Variants in MYO1B observed in about 807,000 individuals in gnomAD.
MYO1B encodes unconventional myosin-Ib.
MYO1B carries 72 observed loss-of-function variants against 159.7 expected under a neutral mutation model. That is an observed-to-expected ratio of 0.45 (90% CI 0.37 to 0.55). The LOEUF (loss-of-function observed/expected upper bound fraction) is 0.55, where lower values mean the gene tolerates loss of function less well. MYO1B is among the 20% of genes least tolerant of loss of function. The pLI, the probability that MYO1B is intolerant of heterozygous loss-of-function variation, is 0.00. For synonymous variants in MYO1B, 468 were observed against 473.8 expected, an observed-to-expected ratio of 0.99 and a Z score of 0.16; for missense variants, 1,062 against 1,364.8, an observed-to-expected ratio of 0.78 and a Z score of 3.50.
At chr2:191,336,312 G>T (rs1481901876) in intron 4 of MYO1B, among the ~76,000 whole-genome samples, 1 of 152,138 alleles carries the variant, frequency 6.6e-6, no homozygotes. Flanking sequence ...TCTCCAACTG[G>T]ACAGTGACAG....
At chr2:191,400,222 A>G (rs191544890) in intron 21 of MYO1B, among the ~76,000 whole-genome samples, 160 bp from the exon 22 acceptor site, 170 of 152,164 alleles carry the variant, frequency 1.1e-3, no homozygotes, top group Admixed American at 5.2e-3. Context: ...CCACCTTCTC[A>G]TAGTCAGTTT....
intron 13 of MYO1B, among the ~76,000 whole-genome samples, chr2:191,376,418 A>G (rs1247311663): frequency 6.6e-6 from 1 of 152,242 alleles, no homozygotes; most frequent in East Asian, 1.9e-4. Context: ...CATTATAATC[A>G]GAAGCTGTCA....
At chr2:191,372,857 GA>G (rs1274324758) in intron 13 of MYO1B, among the ~76,000 whole-genome samples, 1 of 138,520 alleles carries the variant, frequency 7.2e-6, no homozygotes, top group Non-Finnish European at 1.5e-5. Flanking sequence ...TTCAGTTTAT[GA>G]AAATGCCTGC....
intron 1 of MYO1B, among the ~76,000 whole-genome samples, chr2:191,249,136 C>A (rs893027172): frequency 6.6e-6 from 1 of 152,164 alleles, no homozygotes; most frequent in Non-Finnish European, 1.5e-5. Context: ...TATTGAAATC[C>A]ATTTTAAGCC....
At chr2:191,318,514 C>T (rs1045237871) in intron 3 of MYO1B, among the ~76,000 whole-genome samples, 4 of 152,068 alleles carry the variant, frequency 2.6e-5, no homozygotes, top group African/African-American at 7.2e-5. Context: ...TCCAGATTAC[C>T]CTGAAGCAGT....
At chr2:191,306,313 G>C (rs1255331450) in intron 3 of MYO1B, among the ~76,000 whole-genome samples, 1 of 152,164 alleles carries the variant, frequency 6.6e-6, no homozygotes, top group Non-Finnish European at 1.5e-5. Flanking sequence ...AAGGTCTGAA[G>C]GGGAGACAGA....
intron 13 of MYO1B, among the ~76,000 whole-genome samples, chr2:191,376,489 T>C (rs1694720118): frequency 6.6e-6 from 1 of 152,202 alleles, no homozygotes; most frequent in South Asian, 2.1e-4. Context: ...AGCAATAATA[T>C]AGCCCAACTT....
intron 1 of MYO1B, among the ~76,000 whole-genome samples, chr2:191,275,677 G>A (rs977707672): frequency 2.0e-5 from 3 of 152,140 alleles, no homozygotes; most frequent in South Asian, 4.1e-4. Context: ...ATTATCAGTG[G>A]CAGGTATATA....
intron 1 of MYO1B, among the ~76,000 whole-genome samples, chr2:191,266,970 T>A (rs4853569): frequency 0.53 from 80,485 of 152,008 alleles, 22,050 homozygotes; most frequent in East Asian, 0.66. Flanking sequence ...ATCACTGGCC[T>A]GTGCCTGGGA....
chr2:191,367,022 C>G (rs1320283290), intron 11 of MYO1B, among the ~76,000 whole-genome samples: 2 of 152,060 alleles, frequency 1.3e-5, no homozygotes, highest in African/African-American at 4.8e-5. Context: ...TAGACCATGC[C>G]TGTTACTGGC....
intron 14 of MYO1B, 79 bp from the exon 15 acceptor site, chr2:191,383,201 T>C (rs570297108): frequency 1.2e-6 from 1 of 800,566 alleles, no homozygotes. Context: ...TATGATAAGA[T>C]GGTCAAAGTC....
At chr2:191,378,141 A>G (rs1188876201) in intron 13 of MYO1B, among the ~76,000 whole-genome samples, 1 of 152,048 alleles carries the variant, frequency 6.6e-6, no homozygotes, top group Non-Finnish European at 1.5e-5. Flanking sequence ...ACGGTACTAC[A>G]CAGGGATGTG....
At chr2:191,310,236 A>G (rs1200635131) in intron 3 of MYO1B, among the ~76,000 whole-genome samples, 2 of 151,962 alleles carry the variant, frequency 1.3e-5, no homozygotes, top group Non-Finnish European at 2.9e-5. Context: ...AGAATCTTAC[A>G]CTCTCACCAA....
chr2:191,320,521 GT>G (rs1360671768), intron 3 of MYO1B, among the ~76,000 whole-genome samples: 1 of 152,068 alleles, frequency 6.6e-6, no homozygotes, highest in Non-Finnish European at 1.5e-5. Context: ...AGTGGTCTGT[GT>G]GTATGTATGT....
Position 191,387,420 on chromosome 2 carries a change from A to C in MYO1B, c.1751A>C (p.Asn584Thr). ...FKASVATLMK[N>T]LQTKNPNYIR... ...GCATCCGTGGCCACTCTGATGAAAA[A>C]CCTACAGACCAAGAACCCAAACTAT... The change falls in exon 17 of 31, where the codon AAC becomes ACC. Residue 584 changes from asparagine (N) to threonine (T), a missense_variant. This residue lies in a region of MYO1B where 609 missense variants were observed against 744.4 expected (regional missense o/e 0.82). Transcript: ENST00000392318. 6.2e-7 allele frequency: 1 copy of C among 1,614,044 alleles called. No homozygotes were observed. The highest frequency in any genetic ancestry group is 8.5e-7 in the Non-Finnish European group (1 of 1,180,016).
At chr2:191,301,916 C>A (rs1365988120) in intron 3 of MYO1B, among the ~76,000 whole-genome samples, 1 of 152,180 alleles carries the variant, frequency 6.6e-6, no homozygotes, top group Non-Finnish European at 1.5e-5. Context: ...TCCTAGAAAC[C>A]TTCATGGGCT....
At chr2:191,298,311 C>G (rs1413266161) in intron 3 of MYO1B, among the ~76,000 whole-genome samples, 1 of 152,116 alleles carries the variant, frequency 6.6e-6, no homozygotes, top group African/African-American at 2.4e-5. Context: ...TTCATTTTGC[C>G]TTAAGACAAA....
At chr2:191,299,201 G>A (rs1314664677) in intron 3 of MYO1B, among the ~76,000 whole-genome samples, 1 of 152,150 alleles carries the variant, frequency 6.6e-6, no homozygotes, top group African/African-American at 2.4e-5. Flanking sequence ...AGGCAGCATG[G>A]CACTGCTACT....
At chr2:191,336,156 G>A (rs1691821025) in intron 4 of MYO1B, among the ~76,000 whole-genome samples, 1 of 152,110 alleles carries the variant, frequency 6.6e-6, no homozygotes, top group Non-Finnish European at 1.5e-5. Context: ...CCAACGTTAG[G>A]AAACATAATT....
Sources: allele counts gnomAD v4.1 joint callset (sites outside exome capture counted in the v4.1 genomes callset), GRCh38; gene constraint gnomAD v4.1.1; regional missense constraint gnomAD v4.1.1; transcripts MANE v1.5; gene names NCBI Gene and HGNC (gene_info 2026-07-23, HGNC 2026-07-21).